Variants in NAPEPLD observed in about 807,000 individuals in gnomAD.
NAPEPLD encodes the protein N-acyl phosphatidylethanolamine phospholipase D, also known as N-acyl-phosphatidylethanolamine-hydrolyzing phospholipase D.
In NAPEPLD, 23 loss-of-function variants were observed where a neutral mutation model predicts 38.1. That is an observed-to-expected ratio of 0.60 (90% confidence interval 0.43 to 0.86). NAPEPLD has a LOEUF of 0.86. NAPEPLD is among the 40% of genes least tolerant of loss of function. The pLI, the probability that NAPEPLD is intolerant of heterozygous loss-of-function variation, is 0.00. For synonymous variants in NAPEPLD, 147 were observed against 162.0 expected (o/e 0.91, Z 0.71); for missense variants, 411 against 476.8 (o/e 0.86, Z 1.28).
chr7:103,106,647 G>A (rs1177076084), intron 4 of NAPEPLD, among the ~76,000 whole-genome samples: 1 of 151,974 alleles, frequency 6.6e-6, no homozygotes, highest in Non-Finnish European at 1.5e-5. Flanking sequence ...AGTTCAAAGT[G>A]AGCAGAGCCC....
At chr7:103,144,433 C>G (rs1812137570) in intron 1 of NAPEPLD, among the ~76,000 whole-genome samples, 1 of 152,124 alleles carries the variant, frequency 6.6e-6, no homozygotes, top group Non-Finnish European at 1.5e-5. Context: ...AATGCTATAA[C>G]TTTCATTACT....
Position 103,139,523 on chromosome 7 carries a change from T to C in NAPEPLD, c.-17+9288A>G, listed in dbSNP as rs115980270. On this transcript the variant is annotated intron_variant, in intron 1 of 4. Coordinates refer to ENST00000465647, the MANE Select transcript of NAPEPLD (RefSeq NM_001122838.3). ...GTCCACAGTGACAGCAAGAGTCCTG[T>C]GATCCAGCAGGTCAGAGACACTGAA... Among the ~76,000 whole-genome samples, 505 of 152,346 alleles carry C rather than the reference T, an allele frequency of 3.3e-3. 3 individuals are homozygous for C. The highest frequency in any genetic ancestry group is 0.012 in the African/African-American group (488 of 41,584).
chr7:103,129,323 T>C lies in NAPEPLD; in HGVS notation c.-16-531A>G, dbSNP rs1210878167. ...TGCCAAGCCCTTAAAAAATCCTTTA[T>C]CTCCTGTAATCCAAAACAACATATT... On this transcript the variant is annotated intron_variant, in intron 1 of 4. Coordinates refer to ENST00000465647, the MANE Select transcript of NAPEPLD (RefSeq NM_001122838.3). The C allele has an allele frequency of 1.2e-5, 12 of 984,986 alleles. 1 individual carries two copies. The South Asian group carries it at 4.2e-4, about 35-fold the overall frequency. 61.0% of individuals were successfully genotyped at this position (984,986 alleles called of 1,614,324 possible).
chr7:103,145,088 G>A (rs1434744410), intron 1 of NAPEPLD, among the ~76,000 whole-genome samples: 1 of 152,104 alleles, frequency 6.6e-6, no homozygotes, highest in African/African-American at 2.4e-5. Context: ...CTATGTCTCA[G>A]GTGACCATAT....
chr7:103,123,371 A>G (rs1263996902), intron 2 of NAPEPLD, among the ~76,000 whole-genome samples: 1 of 152,258 alleles, frequency 6.6e-6, no homozygotes, highest in Non-Finnish European at 1.5e-5. Context: ...TCAACTTTCA[A>G]TCAGTTCTTA....
intron 1 of NAPEPLD, among the ~76,000 whole-genome samples, chr7:103,135,541 C>A (rs191371709): frequency 6.6e-6 from 1 of 152,110 alleles, no homozygotes; most frequent in Non-Finnish European, 1.5e-5. Context: ...AAAAGTATTG[C>A]ACTGTTATCA....
At position 103,133,168 on chromosome 7, in the gene NAPEPLD, C is replaced by T. The variant is rs903842461; in HGVS notation, c.-16-4376G>A. Among the ~76,000 whole-genome samples the T allele has an allele frequency of 2.6e-5, 4 of 152,248 alleles. No homozygotes were observed. In the East Asian group the frequency reaches 7.7e-4, roughly 29 times the overall value. On this transcript the variant is annotated intron_variant, in intron 1 of 4. Transcript: ENST00000465647. The stretch of plus-strand genomic sequence containing the variant: ...ACCTTACCCACACTCTCCACACTCT[C>T]CTCTGCTCCATAAACACGGCCTGAA...
chr7:103,121,741 C>CT (rs965611756), intron 2 of NAPEPLD, among the ~76,000 whole-genome samples: 17 of 152,106 alleles, frequency 1.1e-4, no homozygotes, highest in African/African-American at 4.1e-4. Flanking sequence ...TCATCCAATT[C>CT]TTTTTTTACT....
intron 3 of NAPEPLD, among the ~76,000 whole-genome samples, chr7:103,115,530 AG>A (rs1450610208): frequency 6.6e-6 from 1 of 152,220 alleles, no homozygotes; most frequent in South Asian, 2.1e-4. Context: ...CTGAATAGTG[AG>A]ATTTTTGTTT....
chr7:103,141,800 T>C lies in NAPEPLD; in HGVS notation c.-17+7011A>G, dbSNP rs971879654. ...CACAGGCTTGCGGATGATCAGCCCA[T>C]CTTTGATCAGCTTCCGGATCTGCTG... is the stretch of plus-strand genomic sequence containing the variant. On this transcript the variant is annotated intron_variant, in intron 1 of 4. Coordinates refer to ENST00000465647, the MANE Select transcript of NAPEPLD (RefSeq NM_001122838.3). 29 of 889,488 alleles carry C rather than the reference T, an allele frequency of 3.3e-5. No homozygotes were observed. In the Admixed American group the frequency reaches 4.9e-4, roughly 15 times the overall value. 55.1% of individuals were successfully genotyped at this position (889,488 alleles called of 1,614,324 possible). A position where few individuals can be genotyped will look rare whatever the true frequency, so the allele number is the denominator to read the frequency against.
intron 2 of NAPEPLD, among the ~76,000 whole-genome samples, chr7:103,123,153 T>G (rs574115419): frequency 6.6e-6 from 1 of 152,340 alleles, no homozygotes; most frequent in Non-Finnish European, 1.5e-5. Flanking sequence ...GGGCCATCTC[T>G]TGAGTCCCAC....
At chr7:103,143,946 G>T (rs1812027432) in intron 1 of NAPEPLD, among the ~76,000 whole-genome samples, 3 of 152,166 alleles carry the variant, frequency 2.0e-5, no homozygotes, top group Admixed American at 2.0e-4. Context: ...ACCTCCTAAA[G>T]TGCTGGGATT....
intron 4 of NAPEPLD, among the ~76,000 whole-genome samples, chr7:103,108,421 G>C (rs976170851): frequency 1.3e-5 from 2 of 152,266 alleles, no homozygotes; most frequent in East Asian, 3.9e-4. Flanking sequence ...GATTACAGGC[G>C]TGAGCCACCA....
chr7:103,140,487 G>T (rs184068725), intron 1 of NAPEPLD, among the ~76,000 whole-genome samples: 1,654 of 147,686 alleles, frequency 0.011, 35 homozygotes, highest in African/African-American at 0.039. Context: ...CCGCCTCCCG[G>T]GTTCACGTCA....
intron 1 of NAPEPLD, among the ~76,000 whole-genome samples, chr7:103,147,803 A>T (rs976931964): frequency 6.6e-6 from 1 of 152,212 alleles, no homozygotes; most frequent in South Asian, 2.1e-4. Context: ...AAGTATTTTT[A>T]TCTCTTGGAG....
At chr7:103,145,624 T>G (rs1812379651) in intron 1 of NAPEPLD, among the ~76,000 whole-genome samples, 1 of 152,220 alleles carries the variant, frequency 6.6e-6, no homozygotes, top group Non-Finnish European at 1.5e-5. Context: ...TAAGGTCCCT[T>G]CCAACTTGAA....
chr7:103,123,643 C>T (rs1197845432), intron 2 of NAPEPLD, among the ~76,000 whole-genome samples: 1 of 152,200 alleles, frequency 6.6e-6, no homozygotes, highest in East Asian at 1.9e-4. Context: ...CTGCTACTGG[C>T]TACGACCACA....
chr7:103,113,082 C>G (rs568525438), intron 4 of NAPEPLD, among the ~76,000 whole-genome samples: 1 of 152,238 alleles, frequency 6.6e-6, no homozygotes, highest in African/African-American at 2.4e-5. Flanking sequence ...AACCTTGATT[C>G]CTTTCTTTGC....
At chr7:103,111,923 C>G (rs1186150810) in intron 4 of NAPEPLD, among the ~76,000 whole-genome samples, 1 of 151,730 alleles carries the variant, frequency 6.6e-6, no homozygotes, top group Non-Finnish European at 1.5e-5. Flanking sequence ...AACAAACAAC[C>G]CCATCAAAAA....
Sources: allele counts gnomAD v4.1 joint callset (sites outside exome capture counted in the v4.1 genomes callset), GRCh38; gene constraint gnomAD v4.1.1; transcripts MANE v1.5; gene names NCBI Gene and HGNC (gene_info 2026-07-23, HGNC 2026-07-21).